The following THSD7A variants were observed in gnomAD, a reference collection of about 807,000 sequenced individuals.
The protein encoded by THSD7A is thrombospondin type 1 domain containing 7A.
Under a neutral mutation model 231.3 loss-of-function variants are expected in THSD7A, and 96 were observed. The observed-to-expected ratio is 0.41, with a 90% CI of 0.35 to 0.49. The LOEUF (loss-of-function observed/expected upper bound fraction) is 0.49, where lower values mean the gene tolerates loss of function less well. Ranked by LOEUF, THSD7A falls within the 20% of genes least tolerant of loss-of-function variation. THSD7A has a pLI of 0.05. For missense variants in THSD7A, 2,290 were observed against 2,070.2 expected, an observed-to-expected ratio of 1.11 and a Z score of -2.06; for synonymous variants, 940 against 743.3, an observed-to-expected ratio of 1.26 and a Z score of -4.30.
At chr7:11,530,693 C>T (rs62432826) in intron 6 of THSD7A, among the ~76,000 whole-genome samples, 2,843 of 152,086 alleles carry the variant, frequency 0.019, 37 homozygotes, top group Non-Finnish European at 0.027. Context: ...ATGGACTTCA[C>T]GCAGAAGGCA....
At chr7:11,497,117 C>A (rs141411001) in intron 6 of THSD7A, among the ~76,000 whole-genome samples, 42 of 152,308 alleles carry the variant, frequency 2.8e-4, no homozygotes, top group African/African-American at 9.9e-4. Flanking sequence ...ACACATCCTT[C>A]TTCACATGGT....
At chr7:11,393,365 T>G (rs1405455565) in intron 23 of THSD7A, among the ~76,000 whole-genome samples, 2 of 152,112 alleles carry the variant, frequency 1.3e-5, no homozygotes, top group Non-Finnish European at 2.9e-5. Flanking sequence ...GAACTGAAGG[T>G]AACCAACATC....
At chr7:11,673,052 C>T (rs938146763) in intron 1 of THSD7A, among the ~76,000 whole-genome samples, 1 of 152,072 alleles carries the variant, frequency 6.6e-6, no homozygotes, top group African/African-American at 2.4e-5. Context: ...TTGAGAAAAC[C>T]TTTGCAATTC....
chr7:11,784,801 T>C (rs1783736687), intron 1 of THSD7A, among the ~76,000 whole-genome samples: 2 of 152,146 alleles, frequency 1.3e-5, no homozygotes, highest in African/African-American at 4.8e-5. Context: ...ATATATATTG[T>C]TGCAATTTTA....
intron 6 of THSD7A, among the ~76,000 whole-genome samples, chr7:11,491,474 A>G (rs1041451456): frequency 6.6e-6 from 1 of 152,084 alleles, no homozygotes; most frequent in Non-Finnish European, 1.5e-5. Flanking sequence ...TTAAACAGCT[A>G]TACACAGCTA....
intron 1 of THSD7A, among the ~76,000 whole-genome samples, chr7:11,717,849 A>C (rs1425906873): frequency 6.6e-6 from 1 of 151,632 alleles, no homozygotes; most frequent in Admixed American, 6.6e-5. Context: ...TCAATGATCC[A>C]AGATATATCT....
intron 6 of THSD7A, among the ~76,000 whole-genome samples, chr7:11,500,244 G>C (rs1041336537): frequency 3.9e-5 from 6 of 152,124 alleles, no homozygotes; most frequent in African/African-American, 1.4e-4. Flanking sequence ...CTAAGTGAAA[G>C]AGAAATAAGA....
At chr7:11,827,110 C>T (rs990566040) in intron 1 of THSD7A, among the ~76,000 whole-genome samples, 2 of 152,042 alleles carry the variant, frequency 1.3e-5, no homozygotes, top group Non-Finnish European at 2.9e-5. Flanking sequence ...TTCAAGCAAT[C>T]CTTCCACCTT....
At chr7:11,785,331 G>T (rs1783756220) in intron 1 of THSD7A, among the ~76,000 whole-genome samples, 1 of 152,000 alleles carries the variant, frequency 6.6e-6, no homozygotes, top group African/African-American at 2.4e-5. Flanking sequence ...GGGACTCCTG[G>T]CCTCAAGTGA....
intron 2 of THSD7A, among the ~76,000 whole-genome samples, chr7:11,608,755 C>G (rs1430634222): frequency 6.6e-6 from 1 of 152,068 alleles, no homozygotes; most frequent in Non-Finnish European, 1.5e-5. Context: ...CTTAGATGAA[C>G]ATCCACAACC....
At chr7:11,478,449 GCT>G (rs1197507748) in intron 7 of THSD7A, among the ~76,000 whole-genome samples, 1 of 152,014 alleles carries the variant, frequency 6.6e-6, no homozygotes, top group Non-Finnish European at 1.5e-5. Context: ...ACCCAGTTGG[GCT>G]CTGACAACCC....
intron 1 of THSD7A, among the ~76,000 whole-genome samples, chr7:11,714,937 A>C (rs2128150391): frequency 6.6e-6 from 1 of 151,538 alleles, no homozygotes; most frequent in African/African-American, 2.4e-5. Flanking sequence ...ATAAAAAAGA[A>C]GGCACAGGAG....
chr7:11,441,671 A>G (rs908284364), intron 13 of THSD7A, among the ~76,000 whole-genome samples: 4 of 152,006 alleles, frequency 2.6e-5, no homozygotes, highest in African/African-American at 7.2e-5. Flanking sequence ...TCATCACAAG[A>G]TTCCTCTAAG....
At chr7:11,401,768 A>G in intron 23 of THSD7A, 27 bp downstream of exon 23, 1 of 1,574,678 alleles carries the variant, frequency 6.4e-7, no homozygotes, top group South Asian at 1.2e-5. Flanking sequence ...TTTGCTTAAG[A>G]TAGAGTATAT....
chr7:11,728,299 C>T (rs1781613777), intron 1 of THSD7A, among the ~76,000 whole-genome samples: 1 of 151,882 alleles, frequency 6.6e-6, no homozygotes, highest in Admixed American at 6.6e-5. Flanking sequence ...CAAGATTAAC[C>T]AATGCAAAGC....
intron 9 of THSD7A, among the ~76,000 whole-genome samples, chr7:11,468,150 T>C (rs1302241821): frequency 6.6e-6 from 1 of 152,070 alleles, no homozygotes; most frequent in Non-Finnish European, 1.5e-5. Flanking sequence ...TGCTTATAAA[T>C]GTAACTGCAC....
At chr7:11,718,343 C>T (rs944715454) in intron 1 of THSD7A, among the ~76,000 whole-genome samples, 1 of 151,610 alleles carries the variant, frequency 6.6e-6, no homozygotes, top group Non-Finnish European at 1.5e-5. Flanking sequence ...GATACATATA[C>T]ATAAAGTTTG....
chr7:11,541,702 C>G (rs1423280246), intron 5 of THSD7A, 71 bp from the exon 6 acceptor site: 1 of 1,422,464 alleles, frequency 7.0e-7, no homozygotes, highest in East Asian at 2.4e-5. Context: ...TTGAATAAAA[C>G]CTCAGAGTAA....
Position 11,668,898 on chromosome 7 carries a change from C to G in THSD7A, c.191-31937G>C, listed in dbSNP as rs538176104. On this transcript the variant is annotated intron_variant, in intron 1 of 27. Coordinates refer to ENST00000423059, the MANE Select transcript of THSD7A (RefSeq NM_015204.3). ...GGTGTAGATATGTAGTCTTTCCACA[C>G]TCTACTGAATTCTGTACCTAATTAA... Among the ~76,000 whole-genome samples, 4 of 151,924 alleles carry G rather than the reference C, an allele frequency of 2.6e-5. No individual in the cohort carries two copies. In the East Asian group the frequency reaches 7.8e-4, roughly 29 times the overall value.
Sources: allele counts gnomAD v4.1 joint callset (sites outside exome capture counted in the v4.1 genomes callset), GRCh38; gene constraint gnomAD v4.1.1; transcripts MANE v1.5; gene names NCBI Gene and HGNC (gene_info 2026-07-23, HGNC 2026-07-21).